XYLT1: variants seen among roughly 807,000 people sequenced by gnomAD.
The protein encoded by XYLT1 is xylosyltransferase 1, also known as beta-D-xylosyltransferase 1.
A neutral mutation model predicts 91.3 loss-of-function variants in XYLT1; 36 were observed. That is an observed-to-expected ratio of 0.39 (90% CI 0.30 to 0.52). The LOEUF is 0.52. Among genes scored for constraint, XYLT1 ranks in the 20% least tolerant of loss-of-function variants. XYLT1 has a pLI of 0.68. For synonymous variants in XYLT1, 588 were observed against 532.0 expected, an observed-to-expected ratio of 1.11 and a Z score of -1.45; for missense variants, 1,242 against 1,284.5, an observed-to-expected ratio of 0.97 and a Z score of 0.51.
At chr16:17,266,331 G>A (rs2033803568) in intron 2 of XYLT1, among the ~76,000 whole-genome samples, 1 of 152,312 alleles carries the variant, frequency 6.6e-6, no homozygotes, top group Admixed American at 6.5e-5. Context: ...ATAGAAGATA[G>A]TGCCTGACAC....
intron 2 of XYLT1, among the ~76,000 whole-genome samples, chr16:17,288,740 C>T (rs1217769039): frequency 6.6e-6 from 1 of 152,166 alleles, no homozygotes; most frequent in Non-Finnish European, 1.5e-5. Flanking sequence ...AATGACTTTC[C>T]TCTCAGTTGA....
chr16:17,437,861 T>C (rs1176347605), intron 1 of XYLT1, among the ~76,000 whole-genome samples: 4 of 152,166 alleles, frequency 2.6e-5, no homozygotes, highest in Non-Finnish European at 4.4e-5. Flanking sequence ...TGAGCAGTAT[T>C]TGCAGCAAAG....
At chr16:17,466,820 CA>C (rs1379409159) in intron 1 of XYLT1, among the ~76,000 whole-genome samples, 2 of 151,756 alleles carry the variant, frequency 1.3e-5, no homozygotes, top group African/African-American at 4.8e-5. Flanking sequence ...AAATATTATT[CA>C]ATGATGCATA....
At position 17,370,289 on chromosome 16, in the gene XYLT1, G is replaced by A. The variant is rs570293492; in HGVS notation, c.364-12239C>T. Among the ~76,000 whole-genome samples, 3 of 152,318 alleles carry A rather than the reference G, an allele frequency of 2.0e-5. No homozygotes were observed. In the South Asian group the frequency reaches 6.2e-4, roughly 32 times the overall value. On this transcript the variant is annotated intron_variant, in intron 1 of 11. Coordinates refer to ENST00000261381, the MANE Select transcript of XYLT1 (RefSeq NM_022166.4). ...AGTTGATAATCAACACGCAGGAGAC[G>A]ACGCTGTGCTAAGTCCCATTTGGCG...
At chr16:17,186,024 G>C (rs934331383) in intron 5 of XYLT1, among the ~76,000 whole-genome samples, 12 of 151,550 alleles carry the variant, frequency 7.9e-5, no homozygotes, top group African/African-American at 1.5e-4. Context: ...TATATACACA[G>C]AGAGAGAGAG....
At chr16:17,340,484 C>T (rs964104427) in intron 2 of XYLT1, among the ~76,000 whole-genome samples, 4 of 152,190 alleles carry the variant, frequency 2.6e-5, no homozygotes, top group South Asian at 2.1e-4. Flanking sequence ...TTTCTGCTTT[C>T]GAGGTATCAC....
At chr16:17,340,944 A>G (rs979232407) in intron 2 of XYLT1, among the ~76,000 whole-genome samples, 8 of 152,224 alleles carry the variant, frequency 5.3e-5, no homozygotes. Flanking sequence ...TCTAAAATTC[A>G]AATCAAGGCA....
intron 3 of XYLT1, among the ~76,000 whole-genome samples, chr16:17,208,574 T>C (rs2032700029): frequency 1.3e-5 from 2 of 152,346 alleles, no homozygotes; most frequent in East Asian, 1.9e-4. Flanking sequence ...TTTTAAATAA[T>C]TGTGTGCATT....
chr16:17,467,120 T>C (rs1368126932), intron 1 of XYLT1, among the ~76,000 whole-genome samples: 1 of 152,164 alleles, frequency 6.6e-6, no homozygotes, highest in East Asian at 1.9e-4. Flanking sequence ...CGTCGGATAA[T>C]ACAGAAACCC....
chr16:17,306,552 CAA>C (rs1428646261), intron 2 of XYLT1, among the ~76,000 whole-genome samples: 1 of 122,866 alleles, frequency 8.1e-6, no homozygotes, highest in Non-Finnish European at 1.9e-5. Flanking sequence ...GAGACTGTCA[CAA>C]AAGATATATA....
intron 3 of XYLT1, among the ~76,000 whole-genome samples, chr16:17,231,104 G>A (rs548037497): frequency 5.3e-5 from 8 of 152,310 alleles, no homozygotes; most frequent in South Asian, 2.1e-4. Context: ...AACAGTTCAC[G>A]CATTGCTTCT....
intron 2 of XYLT1, among the ~76,000 whole-genome samples, chr16:17,337,563 T>A (rs1017663044): frequency 3.3e-5 from 5 of 152,098 alleles, no homozygotes; most frequent in African/African-American, 1.2e-4. Context: ...CGTTGCTAAA[T>A]CCAGGGAAGC....
At chr16:17,160,437 C>A (rs984593428) in intron 5 of XYLT1, among the ~76,000 whole-genome samples, 1 of 152,192 alleles carries the variant, frequency 6.6e-6, no homozygotes. Flanking sequence ...TTGGATGACT[C>A]ATGTTGACCA....
At chr16:17,418,502 T>A (rs555066687) in intron 1 of XYLT1, among the ~76,000 whole-genome samples, 2 of 152,148 alleles carry the variant, frequency 1.3e-5, no homozygotes, top group East Asian at 3.9e-4. Context: ...CACAACAAAA[T>A]GGCAGCTTTG....
intron 3 of XYLT1, among the ~76,000 whole-genome samples, chr16:17,205,486 T>TCTGATCTG (rs1390581825): frequency 2.6e-5 from 4 of 152,234 alleles, no homozygotes; most frequent in African/African-American, 9.6e-5. Context: ...GCCTTAGTAT[T>TCTGATCTG]CTGATCTGTA....
chr16:17,411,662 C>CT (rs2036109981), intron 1 of XYLT1, among the ~76,000 whole-genome samples: 1 of 152,170 alleles, frequency 6.6e-6, no homozygotes, highest in Non-Finnish European at 1.5e-5. Context: ...AAGAGGGTGA[C>CT]TTTTCTGGGA....
chr16:17,119,446 A>ATC (rs1301694571), intron 10 of XYLT1, among the ~76,000 whole-genome samples: 1 of 152,202 alleles, frequency 6.6e-6, no homozygotes, highest in Admixed American at 6.5e-5. Flanking sequence ...CATAATTAGC[A>ATC]TCTCTAATGT....
intron 1 of XYLT1, among the ~76,000 whole-genome samples, chr16:17,379,447 C>A (rs1356143059): frequency 6.6e-6 from 1 of 152,298 alleles, no homozygotes; most frequent in Admixed American, 6.5e-5. Flanking sequence ...GGCAGAGACA[C>A]CCCAGGGCTT....
chr16:17,164,972 G>A (rs887945967), intron 5 of XYLT1, among the ~76,000 whole-genome samples: 1 of 152,088 alleles, frequency 6.6e-6, no homozygotes, highest in Non-Finnish European at 1.5e-5. Context: ...CTCCATTGAG[G>A]GCTGTGTAAC....
Sources: gnomAD v4.1 joint callset for allele counts (sites outside exome capture counted in the v4.1 genomes callset) on GRCh38, gnomAD v4.1.1 for gene constraint, MANE v1.5 for transcripts, NCBI Gene and HGNC (gene_info 2026-07-23, HGNC 2026-07-21) for gene names.